Variants in RIMS2 observed in about 807,000 individuals in gnomAD.
RIMS2 encodes regulating synaptic membrane exocytosis protein 2.
A neutral mutation model predicts 174.4 loss-of-function variants in RIMS2; 59 were observed. The ratio of observed to expected loss-of-function variants is 0.34; its 90% CI spans 0.27 to 0.42. The LOEUF is 0.42. RIMS2 is among the 10% of genes least tolerant of loss of function. The probability of loss-of-function intolerance (pLI) is 1.00; values close to 1 mark genes in which losing one functional copy is unlikely to be tolerated. For missense variants in RIMS2, 1,620 were observed against 1,666.3 expected (o/e 0.97, Z 0.48); for synonymous variants, 606 against 572.5 (o/e 1.06, Z -0.84).
chr8:104,113,702 TATA>T (rs2098233729), intron 19 of RIMS2, among the ~76,000 whole-genome samples: 1 of 151,578 alleles, frequency 6.6e-6, no homozygotes, highest in African/African-American at 2.4e-5. Context: ...TATATATACA[TATA>T]ATATGTACAT....
chr8:103,809,337 A>T (rs1564714704), intron 3 of RIMS2, among the ~76,000 whole-genome samples: 1 of 151,958 alleles, frequency 6.6e-6, no homozygotes, highest in Non-Finnish European at 1.5e-5. Flanking sequence ...CTGTTATTAC[A>T]AGTTTTCTTA....
intron 2 of RIMS2, among the ~76,000 whole-genome samples, chr8:103,731,583 C>A (rs2097595709): frequency 6.6e-6 from 1 of 152,122 alleles, no homozygotes; most frequent in African/African-American, 2.4e-5. Context: ...TTAGATTTGC[C>A]ATTTTGAAGC....
chr8:103,575,405 A>G (rs968153788), intron 1 of RIMS2, among the ~76,000 whole-genome samples: 16 of 152,128 alleles, frequency 1.1e-4, no homozygotes, highest in African/African-American at 3.9e-4. Flanking sequence ...ATATGATACC[A>G]TATGACCCAG....
At chr8:103,792,015 G>T (rs2098503850) in intron 3 of RIMS2, among the ~76,000 whole-genome samples, 1 of 152,184 alleles carries the variant, frequency 6.6e-6, no homozygotes, top group South Asian at 2.1e-4. Flanking sequence ...AGATCAACGA[G>T]ACAGGAAGTT....
chr8:103,502,221 C>T lies in RIMS2; in HGVS notation c.176+1159C>T, dbSNP rs528994877. On this transcript the variant is annotated intron_variant, in intron 1 of 23. Coordinates refer to ENST00000504942, the Ensembl canonical transcript of RIMS2. Reference sequence around the variant, plus strand: ...GTTCCTCTGTGAAGGAACTAATACACTCACCTCTATTCAGGTACATTTTAA... The same window carrying T: ...GTTCCTCTGTGAAGGAACTAATACATTCACCTCTATTCAGGTACATTTTAA... Among the ~76,000 whole-genome samples, 4 of 152,226 alleles carry T rather than the reference C, an allele frequency of 2.6e-5. No individual in the cohort carries two copies. The South Asian group carries it at 8.3e-4, about 32-fold the overall frequency.
At chr8:103,567,374 T>G (rs2092444846) in intron 1 of RIMS2, among the ~76,000 whole-genome samples, 1 of 152,230 alleles carries the variant, frequency 6.6e-6, no homozygotes, top group African/African-American at 2.4e-5. Flanking sequence ...TCTGTCTCTC[T>G]AGATTTGTCT....
intron 2 of RIMS2, among the ~76,000 whole-genome samples, chr8:103,720,952 G>T (rs772054716): frequency 1.3e-5 from 2 of 152,044 alleles, no homozygotes; most frequent in Non-Finnish European, 2.9e-5. Flanking sequence ...GATATGATTC[G>T]GATTTGTATC....
At chr8:103,509,008 T>C (rs181560176) in intron 1 of RIMS2, among the ~76,000 whole-genome samples, 4 of 152,168 alleles carry the variant, frequency 2.6e-5, no homozygotes, top group South Asian at 4.2e-4. Context: ...CTAGGACCAG[T>C]GTTCTCTTGA....
At chr8:103,807,173 T>C (rs1001443928) in intron 3 of RIMS2, among the ~76,000 whole-genome samples, 1 of 151,904 alleles carries the variant, frequency 6.6e-6, no homozygotes, top group Non-Finnish European at 1.5e-5. Flanking sequence ...TTCCACACAT[T>C]TAAAGATCTA....
chr8:104,056,428 C>T (rs1175882172), intron 19 of RIMS2, among the ~76,000 whole-genome samples: 1 of 151,426 alleles, frequency 6.6e-6, no homozygotes, highest in East Asian at 1.9e-4. Flanking sequence ...AGTTTTGTAG[C>T]AGATGGAATT....
At chr8:104,101,866 C>T (rs1165560137) in intron 19 of RIMS2, among the ~76,000 whole-genome samples, 4 of 152,104 alleles carry the variant, frequency 2.6e-5, no homozygotes, top group Non-Finnish European at 5.9e-5. Flanking sequence ...TTGCCAATCT[C>T]TTCTTGAAAC....
intron 19 of RIMS2, among the ~76,000 whole-genome samples, chr8:104,160,169 A>G (rs1175276285): frequency 6.6e-6 from 1 of 152,124 alleles, no homozygotes; most frequent in Non-Finnish European, 1.5e-5. Context: ...GTATATTAAT[A>G]ATAACATATA....
Position 103,915,879 on chromosome 8 carries a change from C to T in RIMS2, c.1912+285C>T, listed in dbSNP as rs1480205964. Among the ~76,000 whole-genome samples the T allele has an allele frequency of 4.6e-5, 7 of 151,850 alleles. No individual in the cohort carries two copies. In the South Asian group the frequency reaches 8.3e-4, roughly 18 times the overall value. On this transcript the variant is annotated intron_variant, in intron 7 of 23. Transcript: ENST00000504942. ...AAGACCTTTTTCTTTTGAGAAAATT[C>T]CAACATAGTTTAGAATAAACTTTAT...
intron 16 of RIMS2, among the ~76,000 whole-genome samples, chr8:103,987,393 A>G (rs975312624): frequency 6.6e-6 from 1 of 152,204 alleles, no homozygotes; most frequent in African/African-American, 2.4e-5. Context: ...AATTCATCAT[A>G]TTAATGGACT....
intron 19 of RIMS2, 50 bp downstream of exon 23, chr8:104,068,662 C>A: frequency 2.2e-6 from 2 of 911,340 alleles, no homozygotes; most frequent in Admixed American, 2.0e-5. Context: ...TCATATGAAA[C>A]AGTTAGATTC....
chr8:103,516,453 T>C (rs1829015857), intron 1 of RIMS2, among the ~76,000 whole-genome samples: 1 of 152,118 alleles, frequency 6.6e-6, no homozygotes, highest in Admixed American at 6.6e-5. Flanking sequence ...TTTTTATTTC[T>C]AAAATTAAAA....
chr8:104,237,830 T>C (rs1190026620), intron 19 of RIMS2, among the ~76,000 whole-genome samples: 1 of 152,216 alleles, frequency 6.6e-6, no homozygotes, highest in Non-Finnish European at 1.5e-5. Context: ...ATTTGAATTA[T>C]ATTTGTGATA....
At chr8:103,700,621 G>A (rs1013816114) in intron 2 of RIMS2, among the ~76,000 whole-genome samples, 3 of 151,656 alleles carry the variant, frequency 2.0e-5, no homozygotes, top group Non-Finnish European at 2.9e-5. Flanking sequence ...TAAAATTTAC[G>A]TTTACTGTGA....
intron 1 of RIMS2, among the ~76,000 whole-genome samples, chr8:103,514,940 AAAAC>A (rs1021905091): frequency 3.9e-5 from 6 of 152,200 alleles, no homozygotes; most frequent in Middle Eastern, 3.4e-3. Flanking sequence ...AAAACAAAAA[AAAAC>A]ACACACAAAA....
Sources: allele counts gnomAD v4.1 joint callset (sites outside exome capture counted in the v4.1 genomes callset), GRCh38; gene constraint gnomAD v4.1.1; transcripts MANE v1.5; gene names NCBI Gene and HGNC (gene_info 2026-07-23, HGNC 2026-07-21).